Variants in KRT39 observed in about 807,000 individuals in gnomAD.
KRT39 encodes keratin 39, also known as keratin, type I cytoskeletal 39.
Under a neutral mutation model 54.8 loss-of-function variants are expected in KRT39, and 47 were observed. The ratio of observed to expected loss-of-function variants is 0.86; its 90% confidence interval spans 0.68 to 1.09. The LOEUF is 1.09. KRT39 is among the 50% of genes least tolerant of loss of function. The pLI, the probability that KRT39 is intolerant of heterozygous loss-of-function variation, is 0.00. For missense variants in KRT39, 580 were observed against 598.5 expected (o/e 0.97, Z 0.32); for synonymous variants, 207 against 227.9 (o/e 0.91, Z 0.83).
chr17:40,966,562 T>C lies in KRT39; in HGVS notation c.295A>G (p.Thr99Ala), dbSNP rs1449270168. Residue 99 changes from threonine to alanine, a missense_variant, in exon 1 of 7, where the codon ACC (threonine) becomes GCC (alanine). Thr to Ala is a moderately conservative substitution (Grantham distance 58). Coordinates refer to ENST00000355612, the MANE Select transcript of KRT39 (RefSeq NM_213656.4). ...GEGINSNEKE[T>A]MQILNERLAN... ...AGGCGCTCGTTCAAGATTTGCATGG[T>C]CTCCTTCTCATTACTGTTGATGCCT... 6.2e-7 allele frequency: 1 copy of C among 1,614,056 alleles called. No homozygotes were observed. Among genetic ancestry groups the C allele is most frequent in the African/African-American group, 1.3e-5 (1 of 74,912 alleles).
At chr17:40,963,867 C>T in intron 2 of KRT39, 84 bp from the exon 3 acceptor site, 2 of 1,002,366 alleles carry the variant, frequency 2.0e-6, no homozygotes, top group Non-Finnish European at 3.0e-6. Context: ...CTGCATTTTG[C>T]TCTGGGCACC....
At chr17:40,964,044 G>A in intron 2 of KRT39, 1 of 427,784 alleles carries the variant, frequency 2.3e-6, no homozygotes, top group Non-Finnish European at 4.1e-6. Flanking sequence ...TAGTGGCAAT[G>A]CAATGTAAGT....
At position 40,960,418 on chromosome 17, in the gene KRT39, G is replaced by A. The variant is rs1487564009; in HGVS notation, c.1080C>T (p.Asn360=). 1 of 1,613,986 alleles carries A rather than the reference G, an allele frequency of 6.2e-7. No individual in the cohort carries two copies. Among genetic ancestry groups the A allele is most frequent in the Non-Finnish European group, 8.5e-7 (1 of 1,179,998 alleles). Residue 360 remains asparagine, a synonymous_variant, in exon 6 of 7, where the codon AAC becomes AAT. Coordinates refer to ENST00000355612, the MANE Select transcript of KRT39 (RefSeq NM_213656.4). ...LLTQIQSLID[N]LEAQLAEIRC... ...GGATCTCTGCCAGCTGAGCTTCCAG[G>A]TTATCAATCAGACTCTGGATCTGGG...
In KRT39 at chr17:40,960,356, A is replaced by C; in HGVS notation, c.1142T>G (p.Ile381Ser). The change falls in exon 6 of 7, where the codon ATC (isoleucine) becomes AGC (serine). Residue 381 changes from isoleucine to serine, a missense_variant. Physicochemically the swap from Ile to Ser is moderately radical, Grantham distance 142. Coordinates refer to ENST00000355612, the MANE Select transcript of KRT39 (RefSeq NM_213656.4). ...ALERQNQEYE[I>S]LLDVKSRLEC... ...CAGCCGGGACTTGACGTCCAGCAGG[A>C]TCTCGTATTCTTGGTTCTGTCTTTC... 6.2e-7 allele frequency: 1 copy of C among 1,613,784 alleles called. No homozygotes were observed.
intron 5 of KRT39, among the ~76,000 whole-genome samples, chr17:40,961,742 G>A (rs1911160038): frequency 6.6e-6 from 1 of 152,132 alleles, no homozygotes; most frequent in Non-Finnish European, 1.5e-5. Context: ...CCCCTCTTAG[G>A]ATTGCTTTAT....
At position 40,964,494 on chromosome 17, in the gene KRT39, A is replaced by G; in HGVS notation, c.503T>C (p.Val168Ala). 6.2e-7 allele frequency: 1 copy of G among 1,614,100 alleles called. No individual in the cohort carries two copies. Among genetic ancestry groups the G allele is most frequent in the Non-Finnish European group, 8.5e-7 (1 of 1,179,978 alleles). ...CAGTTTGGTGTTGTCAATTTGCGAGACCAGTCTGGAATTCTCGGCCTTGGT... is the reference window on the plus strand; with the variant it reads ...CAGTTTGGTGTTGTCAATTTGCGAGGCCAGTCTGGAATTCTCGGCCTTGGT... ...LCTKAENSRL[V>A]SQIDNTKLTA... The change falls in exon 2 of 7, where the codon GTC becomes GCC. Residue 168 changes from valine (V) to alanine (A), a missense_variant. Val to Ala is a moderately conservative substitution (Grantham distance 64). Transcript: ENST00000355612.
intron 5 of KRT39, 91 bp from the exon 6 acceptor site, chr17:40,960,592 G>C (rs910807461): frequency 2.3e-6 from 2 of 867,406 alleles, no homozygotes; most frequent in African/African-American, 3.3e-5. Context: ...TGGTTTCTTT[G>C]TGACACTACT....
Position 40,966,667 on chromosome 17 carries a change from G to A in KRT39, c.190C>T (p.Arg64Cys). The stretch of plus-strand genomic sequence containing the variant: ...AGGTAGATGGGCTTGCGACAAAAGC[G>A]AGGAGTGGGTTGGCAGCCCTGGTCC... ...PWDQGCQPTP[R>C]FCRKPIYLMN... Residue 64 changes from arginine to cysteine, a missense_variant, in exon 1 of 7, where the codon CGC (arginine) becomes TGC (cysteine). Coordinates refer to ENST00000355612, the MANE Select transcript of KRT39 (RefSeq NM_213656.4). 3.1e-6 allele frequency: 5 copies of A among 1,614,212 alleles called. No individual in the cohort carries two copies. Among genetic ancestry groups the A allele is most frequent in the South Asian group, 1.1e-5 (1 of 91,090 alleles).
At position 40,960,276 on chromosome 17, in the gene KRT39, C is replaced by T. The variant is rs745683782; in HGVS notation, c.1217+5G>A. ...TGTCATAGAAGTTGCTGTTATTTTACATACTTGCCATCCGAGCTCTCCAGA... is the reference window on the plus strand; with the variant it reads ...TGTCATAGAAGTTGCTGTTATTTTATATACTTGCCATCCGAGCTCTCCAGA... On this transcript the variant is annotated splice_donor_5th_base_variant and intron_variant, in intron 6 of 6. Coordinates refer to ENST00000355612, the MANE Select transcript of KRT39 (RefSeq NM_213656.4). The T allele has an allele frequency of 4.8e-5, 78 of 1,609,642 alleles. No individual in the cohort carries two copies. In the Middle Eastern group the frequency reaches 9.4e-4, roughly 19 times the overall value.
At chr17:40,964,618 AG>A in intron 1 of KRT39, 90 bp from the exon 2 acceptor site, 1 of 859,870 alleles carries the variant, frequency 1.2e-6, no homozygotes, top group Non-Finnish European at 2.0e-6. Context: ...GTCAAGTAAC[AG>A]GGGAAGGCTA....
chr17:40,966,460 T>C lies in KRT39; in HGVS notation c.397A>G (p.Asn133Asp). ...GGACATAGAACAGGGAGCTCTTTGT[T>C]ACTTTCTTCCTGGATTTTAGATTCC... Reference protein sequence around the residue: ...ELESKIQEESNKELPVLCPDY... With the variant: ...ELESKIQEESDKELPVLCPDY... Residue 133 changes from asparagine to aspartate, a missense_variant, in exon 1 of 7, where the codon AAC becomes GAC. Asn to Asp is a conservative substitution (Grantham distance 23, BLOSUM62 1). Transcript: ENST00000355612. 2 of 1,614,188 alleles carry C rather than the reference T, an allele frequency of 1.2e-6. No individual in the cohort carries two copies. Among genetic ancestry groups the C allele is most frequent in the Non-Finnish European group, 1.7e-6 (2 of 1,180,014 alleles).
chr17:40,960,215 T>A, intron 6 of KRT39, 66 bp downstream of exon 6: 1 of 1,388,958 alleles, frequency 7.2e-7, no homozygotes, highest in Non-Finnish European at 1.0e-6. Context: ...CTGTTGCCAG[T>A]GGCAGTACAT....
At chr17:40,965,077 G>A (rs543823179) in intron 1 of KRT39, among the ~76,000 whole-genome samples, 33 of 151,944 alleles carry the variant, frequency 2.2e-4, no homozygotes, top group South Asian at 8.3e-4. Flanking sequence ...GGTGGCGGGC[G>A]CCTGTAGTCC....
At chr17:40,958,894 AG>A in intron 6 of KRT39, 35 bp from the exon 7 acceptor site, 6 of 1,537,850 alleles carry the variant, frequency 3.9e-6, no homozygotes, top group Non-Finnish European at 5.2e-6. Flanking sequence ...GCTGTGATTG[AG>A]GGAAGGCGAT....
chr17:40,966,908 A>C lies in KRT39; in HGVS notation c.-52T>G. 2.3e-6 allele frequency: 3 copies of C among 1,324,264 alleles called. No homozygotes were observed. The highest frequency in any genetic ancestry group is 3.2e-6 in the Non-Finnish European group (3 of 925,578). 82.0% of individuals were successfully genotyped at this position (1,324,264 alleles called of 1,614,324 possible). ...CAGGTCTGTGGTCACCAGGATGAAA[A>C]GCTCAAGCCACCTCCACAGAGTCTG... On this transcript the variant is annotated 5_prime_UTR_variant, in exon 1 of 7. Coordinates refer to ENST00000355612, the MANE Select transcript of KRT39 (RefSeq NM_213656.4).
In KRT39 at chr17:40,960,636, TAATCA is replaced by T. The variant is rs1911116797; in HGVS notation, c.997-140_997-136del. ...TCCAAGCACTTTATTTATTGTTTCCTAATCAAATAAATCCAAAACCCAAATGATCA... is the reference window on the plus strand; with the variant it reads ...TCCAAGCACTTTATTTATTGTTTCCTAATAAATCCAAAACCCAAATGATCA... On this transcript the variant is annotated intron_variant, in intron 5 of 6. Transcript: ENST00000355612. The T allele has an allele frequency of 4.5e-6, 3 of 662,624 alleles. No individual in the cohort carries two copies. In the Admixed American group the frequency reaches 8.0e-5, roughly 18 times the overall value. The allele number at this position is 662,624 out of a possible 1,614,324, so 41.0% of individuals were successfully genotyped here.
At chr17:40,966,284 A>C (rs1216390315) in intron 1 of KRT39, 105 bp downstream of exon 1, 3 of 901,408 alleles carry the variant, frequency 3.3e-6, no homozygotes, top group Non-Finnish European at 5.1e-6. Context: ...TCTTCAAAAA[A>C]ATTTTCAGCA....
chr17:40,966,065 GTA>G (rs1233652813), intron 1 of KRT39, among the ~76,000 whole-genome samples: 3 of 118,920 alleles, frequency 2.5e-5, no homozygotes, highest in South Asian at 3.0e-4. Context: ...TTTTGTGTGT[GTA>G]TGTGTGTGTG....
At chr17:40,958,948 C>A in intron 6 of KRT39, 89 bp from the exon 7 acceptor site, 1 of 1,277,856 alleles carries the variant, frequency 7.8e-7, no homozygotes, top group Non-Finnish European at 1.1e-6. Flanking sequence ...TTTTTTAACA[C>A]GTGTTGCTCA....
Sources: allele counts gnomAD v4.1 joint callset (sites outside exome capture counted in the v4.1 genomes callset), GRCh38; gene constraint gnomAD v4.1.1; transcripts MANE v1.5; gene names NCBI Gene and HGNC (gene_info 2026-07-23, HGNC 2026-07-21).